Variants in PLEKHF2 observed in about 807,000 individuals in gnomAD.
PLEKHF2 encodes pleckstrin homology domain-containing family F member 2.
PLEKHF2 carries 4 observed loss-of-function variants against 14.7 expected under a neutral mutation model. The ratio of observed to expected loss-of-function variants is 0.27; its 90% CI spans 0.13 to 0.62. The LOEUF (loss-of-function observed/expected upper bound fraction) is 0.62. Ranked by LOEUF, PLEKHF2 falls within the 20% of genes least tolerant of loss-of-function variation. PLEKHF2 has a pLI of 0.85. For missense variants in PLEKHF2, 201 were observed against 307.7 expected (o/e 0.65, Z 2.60); for synonymous variants, 90 against 103.5 (o/e 0.87, Z 0.79).
chr8:95,146,460 AGTAGT>A (rs1810501383), intron 1 of PLEKHF2, among the ~76,000 whole-genome samples: 3 of 152,030 alleles, frequency 2.0e-5, no homozygotes, highest in Admixed American at 2.0e-4. Context: ...ACTAAGACAT[AGTAGT>A]CTATGACATT....
At chr8:95,152,694 T>C (rs11985227) in intron 1 of PLEKHF2, among the ~76,000 whole-genome samples, 12,162 of 152,086 alleles carry the variant, frequency 0.08, 660 homozygotes, top group African/African-American at 0.14. Context: ...TACATCCTAC[T>C]TTTGTGGAGG....
intron 1 of PLEKHF2, among the ~76,000 whole-genome samples, chr8:95,146,500 A>G (rs1054982896): frequency 1.3e-5 from 2 of 151,682 alleles, no homozygotes; most frequent in African/African-American, 2.4e-5. Flanking sequence ...AATTGTAAGT[A>G]GGATTCTGTG....
chr8:95,148,033 A>G (rs1810518353), intron 1 of PLEKHF2, among the ~76,000 whole-genome samples: 1 of 151,978 alleles, frequency 6.6e-6, no homozygotes. Context: ...AAACTCAAGA[A>G]TTAATGAACA....
At position 95,149,767 on chromosome 8, in the gene PLEKHF2, A is replaced by G. The variant is rs939828310; in HGVS notation, c.-14-4264A>G. Among the ~76,000 whole-genome samples, 11 of 152,324 alleles carry G rather than the reference A, an allele frequency of 7.2e-5. 2 individuals are homozygous for G. The highest frequency in any genetic ancestry group is 1.9e-4 in the East Asian group (1 of 5,190). On this transcript the variant is annotated intron_variant, in intron 1 of 1. Coordinates refer to ENST00000315367, the MANE Select transcript of PLEKHF2 (RefSeq NM_024613.4). ...AAAGCTTTCTCTTAGTTCTTCCTAT[A>G]TACACTGGTATTCTTTCCCAAGAAA... is the stretch of plus-strand genomic sequence containing the variant.
At chr8:95,143,569 T>G (rs2132107150) in intron 1 of PLEKHF2, among the ~76,000 whole-genome samples, 1 of 152,324 alleles carries the variant, frequency 6.6e-6, no homozygotes, top group East Asian at 1.9e-4. Flanking sequence ...TGTGAGGCTA[T>G]CGAACTGAGT....
At chr8:95,134,591 A>G (rs570141479) in intron 1 of PLEKHF2, among the ~76,000 whole-genome samples, 2 of 152,228 alleles carry the variant, frequency 1.3e-5, no homozygotes, top group South Asian at 4.2e-4. Context: ...GCGATGGTTT[A>G]TTTATTTGGA....
chr8:95,152,263 A>G (rs77758081), intron 1 of PLEKHF2, among the ~76,000 whole-genome samples: 1 of 152,126 alleles, frequency 6.6e-6, no homozygotes, highest in East Asian at 1.9e-4. Flanking sequence ...CTTGATGGCT[A>G]TTTGGAGCTT....
chr8:95,141,033 G>C (rs1002100906), intron 1 of PLEKHF2, among the ~76,000 whole-genome samples: 15 of 152,150 alleles, frequency 9.9e-5, no homozygotes, highest in African/African-American at 3.6e-4. Context: ...TGAGAATATA[G>C]CTGTCTTTCT....
intron 1 of PLEKHF2, among the ~76,000 whole-genome samples, chr8:95,144,867 GA>G (rs35770837): frequency 0.029 from 1,899 of 65,106 alleles, 30 homozygotes; most frequent in African/African-American, 0.097. Context: ...TCTGTCTCAA[GA>G]AAAAAAAAAA....
intron 1 of PLEKHF2, among the ~76,000 whole-genome samples, chr8:95,151,614 C>G (rs1157664171): frequency 6.6e-6 from 1 of 150,958 alleles, no homozygotes; most frequent in Non-Finnish European, 1.5e-5. Context: ...TTTCTCTTTC[C>G]TTCTCTCCAA....
intron 1 of PLEKHF2, among the ~76,000 whole-genome samples, chr8:95,146,023 C>T (rs979576624): frequency 3.3e-5 from 5 of 152,038 alleles, no homozygotes; most frequent in Admixed American, 1.3e-4. Flanking sequence ...TTTACATTTT[C>T]GGTAAAGTTT....
intron 1 of PLEKHF2, among the ~76,000 whole-genome samples, chr8:95,136,373 C>CA (rs10534400): frequency 9.8e-4 from 143 of 145,266 alleles, no homozygotes; most frequent in African/African-American, 3.5e-3. Flanking sequence ...CACACACACA[C>CA]ATGTTTTGTT....
At chr8:95,136,038 C>A (rs1460635695) in intron 1 of PLEKHF2, among the ~76,000 whole-genome samples, 2 of 152,150 alleles carry the variant, frequency 1.3e-5, no homozygotes. Context: ...CAATTAATTT[C>A]TCCCATGGTA....
chr8:95,141,741 T>C (rs1810443160), intron 1 of PLEKHF2, among the ~76,000 whole-genome samples: 1 of 151,110 alleles, frequency 6.6e-6, no homozygotes, highest in Non-Finnish European at 1.5e-5. Context: ...GGGGTTTCAC[T>C]GTTGGCCAGG....
At chr8:95,141,443 A>G (rs896370280) in intron 1 of PLEKHF2, among the ~76,000 whole-genome samples, 1 of 152,174 alleles carries the variant, frequency 6.6e-6, no homozygotes, top group Non-Finnish European at 1.5e-5. Flanking sequence ...GAAGTCTTAG[A>G]TATTAACAAG....
At chr8:95,150,351 C>T (rs1810543467) in intron 1 of PLEKHF2, among the ~76,000 whole-genome samples, 1 of 151,944 alleles carries the variant, frequency 6.6e-6, no homozygotes, top group Admixed American at 6.6e-5. Flanking sequence ...TTGTGCATGC[C>T]CATAGTTTTT....
intron 1 of PLEKHF2, among the ~76,000 whole-genome samples, chr8:95,138,754 T>C (rs566931980): frequency 1.3e-5 from 2 of 152,330 alleles, no homozygotes; most frequent in Admixed American, 6.5e-5. Flanking sequence ...ACATTAAATA[T>C]TGTGTTTTCT....
intron 1 of PLEKHF2, among the ~76,000 whole-genome samples, chr8:95,135,261 A>G (rs2132102998): frequency 6.6e-6 from 1 of 152,362 alleles, no homozygotes; most frequent in South Asian, 2.1e-4. Flanking sequence ...ATTCTGTTAA[A>G]TGAACTGAAA....
intron 1 of PLEKHF2, among the ~76,000 whole-genome samples, chr8:95,135,231 TA>T (rs1451244911): frequency 6.6e-6 from 1 of 152,206 alleles, no homozygotes; most frequent in African/African-American, 2.4e-5. Context: ...GATTTTTAAA[TA>T]AAGACATCTT....
Sources: gnomAD v4.1 joint callset for allele counts (sites outside exome capture counted in the v4.1 genomes callset) on GRCh38, gnomAD v4.1.1 for gene constraint, MANE v1.5 for transcripts, NCBI Gene and HGNC (gene_info 2026-07-23, HGNC 2026-07-21) for gene names.